The following FYB1 variants were observed in gnomAD, a reference collection of about 807,000 sequenced individuals.
The protein encoded by FYB1 is FYN-binding protein 1.
Under a neutral mutation model 94.1 loss-of-function variants are expected in FYB1, and 41 were observed. That is an observed-to-expected ratio of 0.44 (90% confidence interval 0.34 to 0.57). The LOEUF (loss-of-function observed/expected upper bound fraction) is 0.57. Ranked by LOEUF, FYB1 falls within the 20% of genes least tolerant of loss-of-function variation. The pLI is 0.02. For synonymous variants in FYB1, 367 were observed against 353.2 expected (o/e 1.04, Z -0.44); for missense variants, 1,050 against 976.8 (o/e 1.07, Z -1.00).
At chr5:39,193,524 C>A (rs553137859) in intron 2 of FYB1, among the ~76,000 whole-genome samples, 2 of 152,264 alleles carry the variant, frequency 1.3e-5, no homozygotes, top group East Asian at 3.9e-4. Flanking sequence ...CTGGTGCCAC[C>A]GGAGGAGAGC....
intron 12 of FYB1, 173 bp downstream of exon 12, chr5:39,125,825 G>T: frequency 1.7e-6 from 1 of 584,714 alleles, no homozygotes; most frequent in Non-Finnish European, 3.0e-6. Context: ...TTTATGTAAT[G>T]CAGGAGCTTA....
intron 1 of FYB1, among the ~76,000 whole-genome samples, chr5:39,217,943 C>A (rs1251956882): frequency 4.6e-5 from 7 of 152,234 alleles, no homozygotes; most frequent in Non-Finnish European, 1.0e-4. Flanking sequence ...CCACCGCCTG[C>A]ACTTACTCTT....
At position 39,124,278 on chromosome 5, in the gene FYB1, A is replaced by T. The variant is rs1161975733; in HGVS notation, c.2046T>A (p.Ser682=). 7 of 1,552,300 alleles carry T rather than the reference A, an allele frequency of 4.5e-6. No individual in the cohort carries two copies. The highest frequency in any genetic ancestry group is 1.4e-5 in the African/African-American group (1 of 71,524). The change falls in exon 13 of 19, where the codon TCT becomes TCA. Residue 682 remains serine (S), a splice_region_variant and synonymous_variant. Transcript: ENST00000512982. ...VSDSDNNEGS[S]FPAPPKQLDM... The stretch of plus-strand genomic sequence containing the variant: ...CCAATTGTTTAGGAGGAGCAGGGAA[A>T]CTACAAAGAAAGTGAGAACACAATT...
intron 2 of FYB1, among the ~76,000 whole-genome samples, chr5:39,186,725 T>C (rs566762006): frequency 3.3e-5 from 5 of 150,332 alleles, no homozygotes; most frequent in Non-Finnish European, 3.0e-5. Context: ...TCTATTTCCA[T>C]TGGGTCTTTA....
chr5:39,199,068 G>A (rs1189584240), intron 2 of FYB1, among the ~76,000 whole-genome samples: 2 of 151,400 alleles, frequency 1.3e-5, no homozygotes, highest in African/African-American at 4.9e-5. Flanking sequence ...AAGACTGTAC[G>A]TACAATATAC....
intron 7 of FYB1, among the ~76,000 whole-genome samples, chr5:39,137,023 C>A (rs957720048): frequency 6.6e-6 from 1 of 152,070 alleles, no homozygotes; most frequent in African/African-American, 2.4e-5. Flanking sequence ...AGAAAACACA[C>A]AATTACCAGA....
chr5:39,261,070 A>G (rs1752187403), intron 1 of FYB1, among the ~76,000 whole-genome samples: 1 of 152,112 alleles, frequency 6.6e-6, no homozygotes, highest in African/African-American at 2.4e-5. Flanking sequence ...GACAGCAATC[A>G]CAGGAACAGA....
intron 13 of FYB1, among the ~76,000 whole-genome samples, chr5:39,123,367 G>A (rs965935304): frequency 4.6e-5 from 7 of 152,052 alleles, no homozygotes; most frequent in South Asian, 2.1e-4. Context: ...TTACTACTCC[G>A]TGCACATGCA....
At chr5:39,254,978 C>T (rs1751871166) in intron 1 of FYB1, among the ~76,000 whole-genome samples, 1 of 152,128 alleles carries the variant, frequency 6.6e-6, no homozygotes, top group Non-Finnish European at 1.5e-5. Flanking sequence ...AGGCCTTATA[C>T]TTTGTGTAGG....
intron 2 of FYB1, among the ~76,000 whole-genome samples, chr5:39,190,487 G>A (rs1747257330): frequency 6.6e-6 from 1 of 152,064 alleles, no homozygotes; most frequent in Admixed American, 6.5e-5. Context: ...AGACCTAGTG[G>A]GAGAACTGGA....
chr5:39,150,966 G>A (rs1039868454), intron 3 of FYB1, among the ~76,000 whole-genome samples: 3 of 151,544 alleles, frequency 2.0e-5, no homozygotes, highest in South Asian at 4.2e-4. Flanking sequence ...CAAGATAAGC[G>A]CTGCAATCTC....
At chr5:39,156,352 G>T (rs1175959725) in intron 2 of FYB1, among the ~76,000 whole-genome samples, 1 of 152,182 alleles carries the variant, frequency 6.6e-6, no homozygotes, top group Non-Finnish European at 1.5e-5. Flanking sequence ...ACCGGACTTG[G>T]AACTAGAAGG....
chr5:39,152,276 A>G (rs1240340112), intron 3 of FYB1, among the ~76,000 whole-genome samples: 1 of 152,220 alleles, frequency 6.6e-6, no homozygotes, highest in African/African-American at 2.4e-5. Context: ...CCAAGAAAGC[A>G]TATTAAAGTT....
chr5:39,153,657 G>A (rs1743465165), intron 2 of FYB1, 53 bp from the exon 3 acceptor site: 4 of 1,520,128 alleles, frequency 2.6e-6, no homozygotes, highest in South Asian at 1.2e-5. Flanking sequence ...TCAAAAAGAA[G>A]ATTGTTAATT....
intron 2 of FYB1, among the ~76,000 whole-genome samples, chr5:39,185,642 A>G (rs150259674): frequency 0.038 from 5,608 of 146,678 alleles, 363 homozygotes; most frequent in African/African-American, 0.14. Flanking sequence ...ATATATATAT[A>G]CACACACACA....
chr5:39,269,841 C>T (rs1458925454), intron 1 of FYB1: 2 of 152,160 alleles, frequency 1.3e-5, no homozygotes, highest in Non-Finnish European at 2.9e-5. Flanking sequence ...CAGACAAAGA[C>T]AGAAAATTAG....
intron 15 of FYB1, 97 bp downstream of exon 15, chr5:39,119,438 T>C: frequency 1.1e-6 from 1 of 877,226 alleles, no homozygotes; most frequent in East Asian, 3.0e-5. Context: ...TACTTAAAAA[T>C]CATTGGATTT....
intron 1 of FYB1, among the ~76,000 whole-genome samples, chr5:39,232,196 C>T (rs16868391): frequency 0.022 from 3,364 of 152,264 alleles, 52 homozygotes; most frequent in Non-Finnish European, 0.035. Flanking sequence ...GCATACCAAT[C>T]TCCTTCAGGA....
At chr5:39,251,304 TA>T (rs1751701489) in intron 1 of FYB1, among the ~76,000 whole-genome samples, 1 of 152,184 alleles carries the variant, frequency 6.6e-6, no homozygotes, top group African/African-American at 2.4e-5. Flanking sequence ...ATAAATACCC[TA>T]TAGACCACAC....
Sources: allele counts gnomAD v4.1 joint callset (sites outside exome capture counted in the v4.1 genomes callset), GRCh38; gene constraint gnomAD v4.1.1; transcripts MANE v1.5; gene names NCBI Gene and HGNC (gene_info 2026-07-23, HGNC 2026-07-21).